Variants in MEAK7 observed in about 807,000 individuals in gnomAD.
MEAK7 encodes MTOR associated protein MEAK7.
In MEAK7, 68 loss-of-function variants were observed where a neutral mutation model predicts 40.5. The ratio of observed to expected loss-of-function variants is 1.68; its 90% CI spans 1.38 to 2.06. The LOEUF (loss-of-function observed/expected upper bound fraction) is 2.06. Ranked by LOEUF, MEAK7 falls within the 30% of genes most tolerant of loss-of-function variation. The probability of loss-of-function intolerance (pLI) is 0.00; values close to 1 mark genes in which losing one functional copy is unlikely to be tolerated. For synonymous variants in MEAK7, 338 were observed against 231.9 expected, an observed-to-expected ratio of 1.46 and a Z score of -4.16; for missense variants, 918 against 580.5, an observed-to-expected ratio of 1.58 and a Z score of -5.98.
chr16:84,482,718 T>A lies in MEAK7; in HGVS notation c.959-8A>T. ...GGAAGCATCTGTTGTCCCCTGAAAG[T>A]AGCCAGAGAACAAAACAAACAGGGT... On this transcript the variant is annotated splice_region_variant and splice_polypyrimidine_tract_variant and intron_variant, in intron 5 of 7. Transcript: ENST00000343629. 6.2e-7 allele frequency: 1 copy of A among 1,613,922 alleles called. No homozygotes were observed. Among genetic ancestry groups the A allele is most frequent in the African/African-American group, 1.3e-5 (1 of 75,016 alleles).
intron 6 of MEAK7, among the ~76,000 whole-genome samples, chr16:84,482,385 G>A (rs780585493): frequency 6.6e-6 from 1 of 152,208 alleles, no homozygotes; most frequent in Non-Finnish European, 1.5e-5. Context: ...AGCCCCAGCA[G>A]AGGCCACATC....
Position 84,495,827 on chromosome 16 carries a change from C to G in MEAK7, c.240G>C (p.Lys80Asn), listed in dbSNP as rs911670769. ...CCTGGGACACGTTCTCACTGGGTCCCTTCGCCTTCCCTGTCAGGTCGACCC... is the reference window on the plus strand; with the variant it reads ...CCTGGGACACGTTCTCACTGGGTCCGTTCGCCTTCCCTGTCAGGTCGACCC... ...MRRVDLTGKAKGPSENVSQEQ... is the reference protein window; with the variant it reads ...MRRVDLTGKANGPSENVSQEQ... Residue 80 changes from lysine to asparagine, a missense_variant, in exon 3 of 8, where the codon AAG becomes AAC. Coordinates refer to ENST00000343629, the MANE Select transcript of MEAK7 (RefSeq NM_020947.4). 6.2e-7 allele frequency: 1 copy of G among 1,614,002 alleles called. No individual in the cohort carries two copies. Among genetic ancestry groups the G allele is most frequent in the Non-Finnish European group, 8.5e-7 (1 of 1,180,032 alleles).
rs529478206 is a variant in MEAK7 at position 84,481,972 on chromosome 16, G to A, written c.1077+620C>T. Among the ~76,000 whole-genome samples the A allele has an allele frequency of 2.0e-5, 3 of 152,146 alleles. No individual in the cohort carries two copies. The South Asian group carries it at 6.2e-4, about 31-fold the overall frequency. ...AAAGAAAAGAGCTTTCTGTCAAGCAGCAGAGGAAAGAAATCAGCAGGGGAG... is the reference window on the plus strand; with the variant it reads ...AAAGAAAAGAGCTTTCTGTCAAGCAACAGAGGAAAGAAATCAGCAGGGGAG... On this transcript the variant is annotated intron_variant, in intron 6 of 7. Coordinates refer to ENST00000343629, the MANE Select transcript of MEAK7 (RefSeq NM_020947.4).
At chr16:84,502,305 T>A (rs1914568583) in intron 1 of MEAK7, among the ~76,000 whole-genome samples, 1 of 151,380 alleles carries the variant, frequency 6.6e-6, no homozygotes, top group African/African-American at 2.4e-5. Flanking sequence ...GGAGTGCCGT[T>A]GGCATCTAGC....
Position 84,497,936 on chromosome 16 carries a change from G to A in MEAK7, c.151C>T (p.Gln51Ter). The A allele has an allele frequency of 1.2e-6, 2 of 1,614,206 alleles. No individual in the cohort carries two copies. Among genetic ancestry groups the A allele is most frequent in the African/African-American group, 1.3e-5 (1 of 75,046 alleles). ...SSKSFSLKALQNHVGEALPPE... is the reference protein window; with the variant it reads ...SSKSFSLKAL The stretch of plus-strand genomic sequence containing the variant: ...GAACCACGGGTTGTTACTCTTGCCT[G>A]TAGTGCCTTCAGAGAGAAGGATTTG... Residue 51 changes from glutamine to a stop codon, truncating the protein, a stop_gained and splice_region_variant, in exon 2 of 8, where the codon CAG (glutamine) becomes TAG (stop). Coordinates refer to ENST00000343629, the MANE Select transcript of MEAK7 (RefSeq NM_020947.4). LOFTEE classifies it high-confidence loss of function.
chr16:84,490,779 G>T (rs926441959), intron 3 of MEAK7, among the ~76,000 whole-genome samples: 2 of 151,030 alleles, frequency 1.3e-5, no homozygotes, highest in African/African-American at 4.9e-5. Context: ...TCAATCAACT[G>T]AATTTTTTTC....
intron 2 of MEAK7, chr16:84,497,495 G>T (rs1464405222): frequency 7.8e-7 from 1 of 1,290,090 alleles, no homozygotes; most frequent in African/African-American, 1.5e-5. Context: ...ACCCATCACC[G>T]CGTCTGTCTC....
intron 1 of MEAK7, among the ~76,000 whole-genome samples, chr16:84,503,622 C>T (rs1256875214): frequency 6.6e-6 from 1 of 152,170 alleles, no homozygotes; most frequent in Non-Finnish European, 1.5e-5. Flanking sequence ...TAACCCAGGG[C>T]ATTTGATCTG....
At chr16:84,498,685 G>A (rs946208011) in intron 1 of MEAK7, among the ~76,000 whole-genome samples, 1 of 152,004 alleles carries the variant, frequency 6.6e-6, no homozygotes, top group African/African-American at 2.4e-5. Context: ...ACAAAGTCTG[G>A]GTTTGAGAAC....
intron 6 of MEAK7, among the ~76,000 whole-genome samples, chr16:84,481,118 C>T (rs1040760102): frequency 9.9e-5 from 15 of 152,234 alleles, no homozygotes; most frequent in African/African-American, 3.6e-4. Context: ...GCCCCAGTGC[C>T]CCGCTTCCGG....
At chr16:84,486,587 C>A in intron 5 of MEAK7, 44 bp downstream of exon 5, 1 of 1,538,716 alleles carries the variant, frequency 6.5e-7, no homozygotes, top group Non-Finnish European at 8.7e-7. Flanking sequence ...GAGCTCTTTG[C>A]CCGTGCTGTG....
chr16:84,500,278 G>A (rs1302292755), intron 1 of MEAK7, among the ~76,000 whole-genome samples: 1 of 152,170 alleles, frequency 6.6e-6, no homozygotes, highest in Non-Finnish European at 1.5e-5. Flanking sequence ...ATGAACATCT[G>A]AGTACCTGAG....
chr16:84,481,839 C>T (rs1050584636), intron 6 of MEAK7, among the ~76,000 whole-genome samples: 1 of 152,086 alleles, frequency 6.6e-6, no homozygotes, highest in African/African-American at 2.4e-5. Flanking sequence ...GAGGCTGAGG[C>T]AGGAGAATGG....
intron 3 of MEAK7, among the ~76,000 whole-genome samples, chr16:84,490,262 A>G (rs1158084732): frequency 6.7e-6 from 1 of 148,258 alleles, no homozygotes; most frequent in East Asian, 1.9e-4. Flanking sequence ...TGAATTGGCT[A>G]AATTCCCATA....
Position 84,478,857 on chromosome 16 carries a change from G to A in MEAK7, c.*1056C>T, listed in dbSNP as rs1912257846. On this transcript the variant is annotated 3_prime_UTR_variant, in exon 8 of 8. Coordinates refer to ENST00000343629, the MANE Select transcript of MEAK7 (RefSeq NM_020947.4). Reference sequence around the variant, plus strand: ...CCAGCACCGAGGCCTAGACAGCTGTGACTCAGGTGCTGGTTCCCAGAGGTC... The same window carrying A: ...CCAGCACCGAGGCCTAGACAGCTGTAACTCAGGTGCTGGTTCCCAGAGGTC... The A allele has an allele frequency of 6.6e-6, 1 of 152,226 alleles. No homozygotes were observed. Among genetic ancestry groups the A allele is most frequent in the African/African-American group, 2.4e-5 (1 of 41,444 alleles). 9.4% of individuals were successfully genotyped at this position (152,226 alleles called of 1,614,324 possible).
intron 4 of MEAK7, chr16:84,487,517 C>G (rs893894866): frequency 1.3e-5 from 2 of 158,512 alleles, no homozygotes; most frequent in Non-Finnish European, 2.8e-5. Flanking sequence ...GAATAAATGC[C>G]TGAGCTACAC....
chr16:84,486,513 T>G (rs981848333), intron 5 of MEAK7, 118 bp downstream of exon 5: 36 of 1,464,442 alleles, frequency 2.5e-5, no homozygotes, highest in Middle Eastern at 5.1e-4. Context: ...CGACTGCGTC[T>G]AGAGAAACAC....
chr16:84,478,626 T>C lies in MEAK7; in HGVS notation c.*1287A>G, dbSNP rs1037982604. ...TGGCCAACCGGTGACTCACCGTGTG[T>C]TGTTTTCCAGACGTGGGCAGATGGC... On this transcript the variant is annotated 3_prime_UTR_variant, in exon 8 of 8. Coordinates refer to ENST00000343629, the MANE Select transcript of MEAK7 (RefSeq NM_020947.4). 3 of 152,236 alleles carry C rather than the reference T, an allele frequency of 2.0e-5. No individual in the cohort carries two copies. Among genetic ancestry groups the C allele is most frequent in the African/African-American group, 7.2e-5 (3 of 41,444 alleles). 9.4% of individuals were successfully genotyped at this position (152,236 alleles called of 1,614,324 possible).
intron 3 of MEAK7, among the ~76,000 whole-genome samples, chr16:84,490,500 G>C (rs189638798): frequency 1.7e-5 from 2 of 119,344 alleles, no homozygotes; most frequent in African/African-American, 3.3e-5. Flanking sequence ...CCTGAGTTTG[G>C]TTCCTACATC....
Sources: allele counts gnomAD v4.1 joint callset (sites outside exome capture counted in the v4.1 genomes callset), GRCh38; gene constraint gnomAD v4.1.1; transcripts MANE v1.5; gene names NCBI Gene and HGNC (gene_info 2026-07-23, HGNC 2026-07-21).